KIF16B: variants seen among roughly 807,000 people sequenced by gnomAD.
KIF16B encodes kinesin-like protein KIF16B.
KIF16B carries 98 observed loss-of-function variants against 156.3 expected under a neutral mutation model. The observed-to-expected ratio is 0.63, with a 90% CI of 0.53 to 0.74. The LOEUF (loss-of-function observed/expected upper bound fraction) is 0.74. Ranked by LOEUF, KIF16B falls within the 30% of genes least tolerant of loss-of-function variation. KIF16B has a pLI of 0.00. For synonymous variants in KIF16B, 564 were observed against 583.7 expected, an observed-to-expected ratio of 0.97 and a Z score of 0.49; for missense variants, 1,421 against 1,606.5, an observed-to-expected ratio of 0.88 and a Z score of 1.97.
At chr20:16,417,642 T>C (rs949386529) in intron 15 of KIF16B, among the ~76,000 whole-genome samples, 1 of 152,094 alleles carries the variant, frequency 6.6e-6, no homozygotes, top group African/African-American at 2.4e-5. Flanking sequence ...GTTTCAATAC[T>C]CTTGAAATAA....
chr20:16,406,393 T>A lies in KIF16B; in HGVS notation c.1676A>T (p.Lys559Met). The part of the protein sequence containing the change: ...FRFNHPKEAA[K>M]LREKRKSGLL... Reference sequence around the variant, plus strand: ...CCTCACCTTCCTCTTCTCCCTGAGCTTGGCGGCTTCCTTTGGATGGTTAAA... The same window carrying A: ...CCTCACCTTCCTCTTCTCCCTGAGCATGGCGGCTTCCTTTGGATGGTTAAA... The change falls in exon 16 of 26, where the codon AAG becomes ATG. Residue 559 changes from lysine (K) to methionine (M), a missense_variant. Lys to Met is a moderately conservative substitution (Grantham distance 95). Coordinates refer to ENST00000354981, the MANE Select transcript of KIF16B (RefSeq NM_024704.5). The A allele has an allele frequency of 6.2e-7, 1 of 1,613,620 alleles. No individual in the cohort carries two copies. The highest frequency in any genetic ancestry group is 8.5e-7 in the Non-Finnish European group (1 of 1,179,646).
At chr20:16,310,144 A>C (rs1424151895) in intron 25 of KIF16B, among the ~76,000 whole-genome samples, 1 of 152,258 alleles carries the variant, frequency 6.6e-6, no homozygotes, top group Non-Finnish European at 1.5e-5. Context: ...GAAATGCATT[A>C]AATTTCAAAA....
At chr20:16,381,795 ATC>A (rs765345401) in intron 17 of KIF16B, 48 bp from the exon 18 acceptor site, 9 of 1,462,068 alleles carry the variant, frequency 6.2e-6, no homozygotes, top group Non-Finnish European at 7.6e-6. Flanking sequence ...GAGCTTTTCT[ATC>A]TCTCTCTCAC....
chr20:16,322,423 C>T (rs1381735870), intron 24 of KIF16B, among the ~76,000 whole-genome samples: 1 of 151,904 alleles, frequency 6.6e-6, no homozygotes, highest in African/African-American at 2.4e-5. Flanking sequence ...TTAGTATTTA[C>T]TTAAATCTTA....
intron 25 of KIF16B, among the ~76,000 whole-genome samples, chr20:16,284,784 T>C (rs2063199231): frequency 6.6e-6 from 1 of 152,094 alleles, no homozygotes; most frequent in Non-Finnish European, 1.5e-5. Flanking sequence ...ATAAAACATA[T>C]GGCAGAAAAA....
intron 23 of KIF16B, among the ~76,000 whole-genome samples, chr20:16,339,901 G>T (rs1052509618): frequency 6.6e-6 from 1 of 152,140 alleles, no homozygotes; most frequent in Non-Finnish European, 1.5e-5. Flanking sequence ...CTTGCTTATA[G>T]TCTTGCCTCC....
intron 12 of KIF16B, among the ~76,000 whole-genome samples, chr20:16,470,577 A>C (rs2067633401): frequency 6.6e-6 from 1 of 151,936 alleles, no homozygotes. Context: ...CCAACCCCCC[A>C]GGCTCAAGCA....
intron 17 of KIF16B, among the ~76,000 whole-genome samples, chr20:16,396,177 G>C (rs2065495811): frequency 6.6e-6 from 1 of 152,086 alleles, no homozygotes; most frequent in Non-Finnish European, 1.5e-5. Context: ...ATTTGCATAG[G>C]AGCGCAAACC....
intron 23 of KIF16B, among the ~76,000 whole-genome samples, chr20:16,338,236 C>T (rs1028162399): frequency 3.3e-5 from 5 of 152,206 alleles, no homozygotes; most frequent in African/African-American, 1.2e-4. Context: ...TCCCCCCACA[C>T]TCTTCATCCT....
At chr20:16,323,197 T>C (rs1015776612) in intron 24 of KIF16B, among the ~76,000 whole-genome samples, 2 of 151,996 alleles carry the variant, frequency 1.3e-5, no homozygotes, top group African/African-American at 2.4e-5. Context: ...TATTTGGCTA[T>C]CTAACTTTTA....
chr20:16,489,974 AAAGT>A (rs1449537870), intron 12 of KIF16B, among the ~76,000 whole-genome samples: 1 of 152,010 alleles, frequency 6.6e-6, no homozygotes, highest in Non-Finnish European at 1.5e-5. Flanking sequence ...TGGGAATGAG[AAAGT>A]AAGAAGAAAA....
chr20:16,545,383 G>A (rs1442812434), intron 1 of KIF16B, among the ~76,000 whole-genome samples: 3 of 150,164 alleles, frequency 2.0e-5, no homozygotes, highest in Non-Finnish European at 3.0e-5. Flanking sequence ...AAAAAAAAAA[G>A]GCCAGGAGAG....
chr20:16,500,141 A>G (rs942543812), intron 10 of KIF16B, among the ~76,000 whole-genome samples: 4 of 152,190 alleles, frequency 2.6e-5, no homozygotes, highest in African/African-American at 9.7e-5. Context: ...ATCTACATGC[A>G]GCCAAATACA....
At chr20:16,356,141 A>G (rs2064436426) in intron 23 of KIF16B, among the ~76,000 whole-genome samples, 189 bp downstream of exon 23, 3 of 152,206 alleles carry the variant, frequency 2.0e-5, no homozygotes, top group South Asian at 2.1e-4. Flanking sequence ...AACACCTTCT[A>G]TGAGGTACCT....
At chr20:16,367,515 CAGA>C (rs773636616) in intron 22 of KIF16B, 5 of 1,612,748 alleles carry the variant, frequency 3.1e-6, no homozygotes, top group Non-Finnish European at 4.2e-6. Flanking sequence ...TGTGGGTGTT[CAGA>C]AGGACTAGCG....
intron 24 of KIF16B, among the ~76,000 whole-genome samples, chr20:16,327,570 A>T (rs1167725953): frequency 2.0e-5 from 3 of 152,116 alleles, no homozygotes; most frequent in Non-Finnish European, 2.9e-5. Flanking sequence ...CCTGAGCCCC[A>T]AGTCAGATTT....
rs150956971 is a variant in KIF16B, at chr20:16,457,314, T to C, written c.1303-27332A>G. ...CCACTGCCAAATGACAAATTATACA[T>C]ATTCTGAAAAGGACAAAAAACATGT... On this transcript the variant is annotated intron_variant, in intron 12 of 25. Transcript: ENST00000354981. 3.4e-3 allele frequency among the ~76,000 whole-genome samples: 520 copies of C among 152,292 alleles called. 3 individuals carry two copies. Among genetic ancestry groups the C allele is most frequent in the African/African-American group, 0.011 (471 of 41,550 alleles).
intron 1 of KIF16B, among the ~76,000 whole-genome samples, chr20:16,537,967 G>A (rs905645151): frequency 1.3e-5 from 2 of 152,060 alleles, no homozygotes; most frequent in Admixed American, 6.6e-5. Context: ...GCCTCCCAAA[G>A]TGTTAGGGTT....
At chr20:16,437,485 C>T (rs572149505) in intron 12 of KIF16B, among the ~76,000 whole-genome samples, 1 of 152,260 alleles carries the variant, frequency 6.6e-6, no homozygotes, top group South Asian at 2.1e-4. Context: ...TGAATAAGAA[C>T]AGAGTAAAAA....
Sources: allele counts gnomAD v4.1 joint callset (sites outside exome capture counted in the v4.1 genomes callset), GRCh38; gene constraint gnomAD v4.1.1; transcripts MANE v1.5; gene names NCBI Gene and HGNC (gene_info 2026-07-23, HGNC 2026-07-21).